TENM3: variants seen among roughly 807,000 people sequenced by gnomAD.
TENM3 encodes the protein teneurin-3.
In TENM3, 63 loss-of-function variants were observed where a neutral mutation model predicts 255.1. That is an observed-to-expected ratio of 0.25 (90% CI 0.20 to 0.30). TENM3 has a LOEUF of 0.30. Ranked by LOEUF, TENM3 falls within the 10% of genes least tolerant of loss-of-function variation. The pLI is 1.00. For synonymous variants in TENM3, 1,306 were observed against 1,322.3 expected, an observed-to-expected ratio of 0.99 and a Z score of 0.27; for missense variants, 2,929 against 3,461.1, an observed-to-expected ratio of 0.85 and a Z score of 3.86.
chr4:182,008,037 G>C, the TENM3 span, among the ~76,000 whole-genome samples: 3 of 152,172 alleles, frequency 2.0e-5, no homozygotes, highest in African/African-American at 7.2e-5. Flanking sequence ...CTTTAAGAAT[G>C]TTGAATATTG....
chr4:182,570,404 A>C (rs543631591), intron 3 of TENM3, among the ~76,000 whole-genome samples: 2 of 152,352 alleles, frequency 1.3e-5, no homozygotes, highest in Admixed American at 6.5e-5. Context: ...TCCCAGGCAC[A>C]AGTCACATAT....
At chr4:182,081,556 C>G in the TENM3 span, among the ~76,000 whole-genome samples, 1 of 142,182 alleles carries the variant, frequency 7.0e-6, no homozygotes, top group Non-Finnish European at 1.5e-5. Flanking sequence ...TGCACTCCAG[C>G]CTGGGCGACA....
At chr4:181,535,276 G>C in the TENM3 span, among the ~76,000 whole-genome samples, 1 of 152,112 alleles carries the variant, frequency 6.6e-6, no homozygotes, top group Non-Finnish European at 1.5e-5. Context: ...TATCAACTAA[G>C]ATTGCTGTGT....
At chr4:182,293,834 A>C (rs1370065775) in intron 1 of TENM3, among the ~76,000 whole-genome samples, 1 of 152,142 alleles carries the variant, frequency 6.6e-6, no homozygotes, top group Non-Finnish European at 1.5e-5. Flanking sequence ...TCAATTAATT[A>C]GATCTGATTA....
At chr4:182,447,038 T>C (rs1050800394) in intron 3 of TENM3, among the ~76,000 whole-genome samples, 1 of 152,202 alleles carries the variant, frequency 6.6e-6, no homozygotes, top group Non-Finnish European at 1.5e-5. Context: ...CCCAATTTAC[T>C]AAAGAGAAAG....
At chr4:181,804,079 G>A in the TENM3 span, among the ~76,000 whole-genome samples, 15 of 137,472 alleles carry the variant, frequency 1.1e-4, no homozygotes, top group East Asian at 2.3e-4. Context: ...AGGAAAGAAA[G>A]AAAGAAAGGA....
intron 24 of TENM3, among the ~76,000 whole-genome samples, chr4:182,778,551 C>T (rs1764881865): frequency 6.6e-6 from 1 of 152,120 alleles, no homozygotes; most frequent in African/African-American, 2.4e-5. Flanking sequence ...GGGGAATGAG[C>T]CTGCCCTTCC....
chr4:182,606,594 C>A (rs944463184), intron 4 of TENM3, among the ~76,000 whole-genome samples: 7 of 138,580 alleles, frequency 5.1e-5, no homozygotes, highest in Non-Finnish European at 7.8e-5. Context: ...AAAGAATAAA[C>A]ATCTCTGTGT....
the TENM3 span, among the ~76,000 whole-genome samples, chr4:181,717,556 A>T: frequency 6.6e-6 from 1 of 152,208 alleles, no homozygotes; most frequent in South Asian, 2.1e-4. Context: ...TTGCAGTCTA[A>T]CCAATGTGGT....
chr4:181,935,185 G>C, the TENM3 span, among the ~76,000 whole-genome samples: 1 of 152,184 alleles, frequency 6.6e-6, no homozygotes, highest in Non-Finnish European at 1.5e-5. Flanking sequence ...AATAACACCT[G>C]TATCTCTATG....
At chr4:181,573,156 G>A in the TENM3 span, among the ~76,000 whole-genome samples, 4 of 152,074 alleles carry the variant, frequency 2.6e-5, no homozygotes, top group African/African-American at 9.7e-5. Flanking sequence ...TGGGCACTTA[G>A]GTCTCTTCCA....
chr4:181,858,186 A>ACC, the TENM3 span, among the ~76,000 whole-genome samples: 3 of 152,224 alleles, frequency 2.0e-5, no homozygotes, highest in African/African-American at 7.2e-5. Context: ...GCAGCAGCTC[A>ACC]ACAGATCTTC....
chr4:182,251,313 A>G (rs1382866896), intron 1 of TENM3, among the ~76,000 whole-genome samples: 1 of 151,920 alleles, frequency 6.6e-6, no homozygotes, highest in African/African-American at 2.4e-5. Context: ...CTACAAAAAT[A>G]AAAAATTATC....
chr4:181,536,444 T>C, the TENM3 span, among the ~76,000 whole-genome samples: 1 of 152,238 alleles, frequency 6.6e-6, no homozygotes, highest in Non-Finnish European at 1.5e-5. Context: ...TAGAATTTCA[T>C]CACTGTGGAT....
Position 182,775,166 on chromosome 4 carries a change from T to C in TENM3, c.5304+13T>C. Reference sequence around the variant, plus strand: ...CCGCAAGCTCAGGGTACGTACGTGTTGTGGAGCAGGAGATAGCTGCAGCCC... The same window carrying C: ...CCGCAAGCTCAGGGTACGTACGTGTCGTGGAGCAGGAGATAGCTGCAGCCC... On this transcript the variant is annotated intron_variant, in intron 24 of 27. Coordinates refer to ENST00000511685, the MANE Select transcript of TENM3 (RefSeq NM_001080477.4). The C allele has an allele frequency of 6.2e-7, 1 of 1,612,418 alleles. No individual in the cohort carries two copies. The highest frequency in any genetic ancestry group is 1.1e-5 in the South Asian group (1 of 91,028).
At chr4:182,379,994 C>T (rs538326295) in intron 3 of TENM3, among the ~76,000 whole-genome samples, 2 of 152,236 alleles carry the variant, frequency 1.3e-5, no homozygotes. Flanking sequence ...GCAGGATGGG[C>T]GCAGTGGCTC....
chr4:181,795,412 C>T, the TENM3 span, among the ~76,000 whole-genome samples: 1 of 152,040 alleles, frequency 6.6e-6, no homozygotes, highest in Non-Finnish European at 1.5e-5. Context: ...AAGGGCCCCA[C>T]CCTTATGACC....
At chr4:181,943,532 C>G in the TENM3 span, among the ~76,000 whole-genome samples, 1 of 151,988 alleles carries the variant, frequency 6.6e-6, no homozygotes, top group Non-Finnish European at 1.5e-5. Context: ...ATTTCCATGC[C>G]AATTCAATAT....
chr4:182,368,570 C>T (rs1766582751), intron 3 of TENM3, among the ~76,000 whole-genome samples: 1 of 152,088 alleles, frequency 6.6e-6, no homozygotes, highest in Admixed American at 6.6e-5. Context: ...CTCCAAACAG[C>T]AAAAGGTGAG....
Sources: gnomAD v4.1 joint callset for allele counts (sites outside exome capture counted in the v4.1 genomes callset) on GRCh38, gnomAD v4.1.1 for gene constraint, MANE v1.5 for transcripts, NCBI Gene and HGNC (gene_info 2026-07-23, HGNC 2026-07-21) for gene names.